Variants in SUCO observed in about 807,000 individuals in gnomAD.
SUCO encodes the protein SUN domain-containing ossification factor.
A neutral mutation model predicts 148.1 loss-of-function variants in SUCO; 57 were observed. The observed-to-expected ratio is 0.38, with a 90% confidence interval of 0.31 to 0.48. The LOEUF (loss-of-function observed/expected upper bound fraction) is 0.48. Among genes scored for constraint, SUCO ranks in the 20% least tolerant of loss-of-function variants. SUCO has a pLI of 0.96. For synonymous variants in SUCO, 470 were observed against 502.7 expected (o/e 0.93, Z 0.87); for missense variants, 1,331 against 1,468.2 (o/e 0.91, Z 1.53).
At chr1:172,602,032 A>G (rs752354199) in intron 20 of SUCO, 32 bp from the exon 21 acceptor site, 3 of 1,553,684 alleles carry the variant, frequency 1.9e-6, no homozygotes, top group East Asian at 2.3e-5. Context: ...ATGATTTCCT[A>G]TGATTATTAT....
chr1:172,594,191 G>T (rs1388851733), intron 19 of SUCO, among the ~76,000 whole-genome samples: 10 of 150,446 alleles, frequency 6.6e-5, no homozygotes, highest in South Asian at 4.2e-4. Context: ...CTTGCTAGTG[G>T]TCTATCAATT....
intron 12 of SUCO, 22 bp downstream of exon 12, chr1:172,577,581 A>C: frequency 1.2e-6 from 2 of 1,609,942 alleles, no homozygotes; most frequent in African/African-American, 1.3e-5. Context: ...TCTCTTTTGC[A>C]CTATTAAATA....
chr1:172,570,542 T>G, intron 8 of SUCO, 121 bp from the exon 9 acceptor site: 1 of 687,038 alleles, frequency 1.5e-6, no homozygotes, highest in East Asian at 2.8e-5. Context: ...GTGAGTGTTT[T>G]AAAGTCTTAG....
intron 6 of SUCO, 41 bp downstream of exon 6, chr1:172,557,835 A>G (rs1653863493): frequency 6.8e-7 from 1 of 1,468,634 alleles, no homozygotes; most frequent in African/African-American, 1.4e-5. Context: ...TCTTTATGTA[A>G]TGCATTTTTG....
intron 20 of SUCO, among the ~76,000 whole-genome samples, chr1:172,600,783 T>C (rs147595042): frequency 5.6e-4 from 85 of 151,940 alleles, no homozygotes; most frequent in Admixed American, 1.0e-3. Flanking sequence ...CTTGGAAGGC[T>C]TATCTGAGGA....
At chr1:172,542,717 G>T in intron 1 of SUCO, 1 of 985,346 alleles carries the variant, frequency 1.0e-6, no homozygotes, top group Non-Finnish European at 1.2e-6. Context: ...GTTGGGGACC[G>T]CTGTCATAGA....
rs775668456 is a variant in SUCO, at chr1:172,577,579, G to T, written c.1284+20G>T. ...ATAAAGGTTAGCAACCTTCTCTTTTGCACTATTAAATAACAGGGCATGGCG... is the reference window on the plus strand; with the variant it reads ...ATAAAGGTTAGCAACCTTCTCTTTTTCACTATTAAATAACAGGGCATGGCG... On this transcript the variant is annotated intron_variant, in intron 12 of 23. Transcript: ENST00000263688. The T allele has an allele frequency of 1.9e-6, 3 of 1,609,912 alleles. No individual in the cohort carries two copies. Among genetic ancestry groups the T allele is most frequent in the East Asian group, 2.2e-5 (1 of 44,716 alleles).
chr1:172,543,813 A>G (rs1252935904), intron 1 of SUCO, among the ~76,000 whole-genome samples: 1 of 152,044 alleles, frequency 6.6e-6, no homozygotes, highest in Non-Finnish European at 1.5e-5. Flanking sequence ...CTGCAAGGAG[A>G]AAGAGGCCCA....
In SUCO at chr1:172,561,566, A is replaced by G. The variant is rs1654155239; in HGVS notation, c.732+3772A>G. 2.0e-5 allele frequency among the ~76,000 whole-genome samples: 3 copies of G among 152,172 alleles called. No individual in the cohort carries two copies. In the South Asian group the frequency reaches 6.2e-4, roughly 32 times the overall value. On this transcript the variant is annotated intron_variant, in intron 6 of 23. Coordinates refer to ENST00000263688, the MANE Select transcript of SUCO (RefSeq NM_014283.5). ...ACAAGATTAATAGTGACAACATGAT[A>G]TCTGCGGTTGGGCCTTAGCATGGCC...
At chr1:172,562,544 G>A (rs530948782) in intron 6 of SUCO, among the ~76,000 whole-genome samples, 3 of 152,166 alleles carry the variant, frequency 2.0e-5, no homozygotes, top group African/African-American at 7.2e-5. Flanking sequence ...GTTGGCCATG[G>A]CCAGGATGGT....
chr1:172,589,853 C>A lies in SUCO; in HGVS notation c.2752C>A (p.Leu918Ile). The A allele has an allele frequency of 6.3e-7, 1 of 1,593,976 alleles. No individual in the cohort carries two copies. The highest frequency in any genetic ancestry group is 8.5e-7 in the Non-Finnish European group (1 of 1,173,812). ...CCAAAAGGAGTCAGTATTTATGAGA[C>A]TTAATAATCGTATTAAAGCCTTAGA... Reference protein sequence around the residue: ...SNQKESVFMRLNNRIKALEVN... With the variant: ...SNQKESVFMRINNRIKALEVN... Residue 918 changes from leucine to isoleucine, a missense_variant, in exon 18 of 24, where the codon CTT becomes ATT. This residue lies in a region of SUCO where 992 missense variants were observed against 1,093.5 expected (regional missense o/e 0.91). Coordinates refer to ENST00000263688, the MANE Select transcript of SUCO (RefSeq NM_014283.5).
At position 172,611,383 on chromosome 1, in the gene SUCO, A is replaced by G. The variant is rs1054943982; in HGVS notation, c.*1124A>G. The G allele has an allele frequency of 4.6e-5, 7 of 152,612 alleles. No homozygotes were observed. The highest frequency in any genetic ancestry group is 1.7e-4 in the African/African-American group (7 of 41,448). The allele number at this position is 152,612 out of a possible 1,614,324, so 9.5% of individuals were successfully genotyped here. On this transcript the variant is annotated 3_prime_UTR_variant, in exon 24 of 24. Transcript: ENST00000263688. ...TATTTGAATAAAATGATTTCTTAGT[A>G]TGATTGTACAGTAATGAATGAAAGT...
intron 1 of SUCO, among the ~76,000 whole-genome samples, chr1:172,537,929 G>T (rs1209139864): frequency 2.6e-5 from 4 of 152,188 alleles, no homozygotes; most frequent in Non-Finnish European, 5.9e-5. Context: ...CTGCAGGATG[G>T]ATAGTTCACA....
In SUCO at chr1:172,553,195, T is replaced by C; in HGVS notation, c.178-65T>C. The C allele has an allele frequency of 2.1e-6, 3 of 1,414,400 alleles. No individual in the cohort carries two copies. In the South Asian group the frequency reaches 5.1e-5, roughly 24 times the overall value. The allele number at this position is 1,414,400 out of a possible 1,614,324, so 87.6% of individuals were successfully genotyped here. On this transcript the variant is annotated intron_variant, in intron 2 of 23. Transcript: ENST00000263688. ...AAAGTATGGAAAAAAACCATCTTCG[T>C]ATTGCTTTATAACTGTTTTGTAAAA... is the stretch of plus-strand genomic sequence containing the variant.
At chr1:172,541,145 A>G (rs967092953) in intron 1 of SUCO, among the ~76,000 whole-genome samples, 6 of 152,212 alleles carry the variant, frequency 3.9e-5, no homozygotes, top group African/African-American at 1.4e-4. Context: ...AATAAAAACA[A>G]TGTTGTATAA....
chr1:172,600,212 A>T (rs1316540999), intron 20 of SUCO, 44 bp downstream of exon 20: 1 of 1,340,176 alleles, frequency 7.5e-7, no homozygotes, highest in East Asian at 2.5e-5. Flanking sequence ...GCATGTATAG[A>T]GGTTGTCATA....
intron 22 of SUCO, chr1:172,608,184 A>G (rs1432319212): frequency 1.6e-6 from 1 of 638,278 alleles, no homozygotes; most frequent in Non-Finnish European, 2.0e-6. Context: ...TATATATTGC[A>G]TGTTCAAGCT....
At position 172,585,196 on chromosome 1, in the gene SUCO, A is replaced by G. The variant is rs970031709; in HGVS notation, c.1567+110A>G. The G allele has an allele frequency of 7.6e-6, 7 of 925,716 alleles. No homozygotes were observed. The African/African-American group carries it at 1.2e-4, about 16-fold the overall frequency. 57.3% of individuals were successfully genotyped at this position (925,716 alleles called of 1,614,324 possible). Reference sequence around the variant, plus strand: ...AATTTGATTGTTTACATTTAGAAATATAGAAATAATTCAGAGGAACTTACC... The same window carrying G: ...AATTTGATTGTTTACATTTAGAAATGTAGAAATAATTCAGAGGAACTTACC... On this transcript the variant is annotated intron_variant, in intron 16 of 23. Transcript: ENST00000263688.
rs146446790 is a variant in SUCO at position 172,534,337 on chromosome 1, G to A, written c.62+840G>A. On this transcript the variant is annotated intron_variant, in intron 1 of 23. Coordinates refer to ENST00000263688, the MANE Select transcript of SUCO (RefSeq NM_014283.5). ...TTTCCTCCCAGGGAATTTCTTCAAA[G>A]ATGTGTGACAATTGATGACTGAAAA... 7.6e-3 allele frequency among the ~76,000 whole-genome samples: 1,161 copies of A among 152,314 alleles called. 16 individuals carry two copies. The highest frequency in any genetic ancestry group is 0.027 in the African/African-American group (1,104 of 41,572).
Sources: gnomAD v4.1 joint callset for allele counts (sites outside exome capture counted in the v4.1 genomes callset) on GRCh38, gnomAD v4.1.1 for gene constraint, gnomAD v4.1.1 regional missense constraint, MANE v1.5 for transcripts, NCBI Gene and HGNC (gene_info 2026-07-23, HGNC 2026-07-21) for gene names.